Variants in VPS13D observed in about 807,000 individuals in gnomAD.
The protein encoded by VPS13D is vacuolar protein sorting 13 homolog D, also known as intermembrane lipid transfer protein VPS13D.
Under a neutral mutation model 461.9 loss-of-function variants are expected in VPS13D, and 187 were observed. The observed-to-expected ratio is 0.40, with a 90% CI of 0.36 to 0.46. The LOEUF (loss-of-function observed/expected upper bound fraction) is 0.46, where lower values mean the gene tolerates loss of function less well. VPS13D is among the 20% of genes least tolerant of loss of function. The pLI is 0.60. For missense variants in VPS13D, 4,711 were observed against 5,364.9 expected (o/e 0.88, Z 3.81); for synonymous variants, 1,951 against 1,986.3 (o/e 0.98, Z 0.47).
Position 12,256,451 on chromosome 1 carries a change from C to T in VPS13D, c.788C>T (p.Pro263Leu). ...AAGCCCCTGCGGTCTCGGCACAGTC[C>T]CCGTATTGATTGTGATATTCAGCTG... ...SKKPLRSRHS[P>L]RIDCDIQLET... The change falls in exon 8 of 70, where the codon CCC (proline) becomes CTC (leucine). Residue 263 changes from proline to leucine, a missense_variant. Physicochemically the swap from Pro to Leu is moderately conservative, Grantham distance 98. Coordinates refer to ENST00000620676, the MANE Select transcript of VPS13D (RefSeq NM_015378.4). 6.2e-7 allele frequency: 1 copy of T among 1,614,066 alleles called. No homozygotes were observed. The highest frequency in any genetic ancestry group is 8.5e-7 in the Non-Finnish European group (1 of 1,180,000).
chr1:12,503,479 C>T (rs941668457), intron 68 of VPS13D, among the ~76,000 whole-genome samples: 3 of 152,236 alleles, frequency 2.0e-5, no homozygotes, highest in African/African-American at 4.8e-5. Flanking sequence ...CCACCATGCT[C>T]TGCCCTAAGA....
At chr1:12,335,876 A>G (rs1198896411) in intron 39 of VPS13D, 49 bp downstream of exon 39, 1 of 1,610,436 alleles carries the variant, frequency 6.2e-7, no homozygotes, top group East Asian at 2.2e-5. Flanking sequence ...TTGACCTACA[A>G]AGCAATGCTT....
chr1:12,379,772 T>C (rs1644247710), intron 57 of VPS13D, among the ~76,000 whole-genome samples, 176 bp downstream of exon 57: 1 of 139,168 alleles, frequency 7.2e-6, no homozygotes, highest in Admixed American at 7.1e-5. Context: ...CATTTGTGTA[T>C]TTTTTTTTTT....
chr1:12,390,831 C>A (rs1644414856), intron 60 of VPS13D, among the ~76,000 whole-genome samples: 1 of 152,204 alleles, frequency 6.6e-6, no homozygotes, highest in African/African-American at 2.4e-5. Flanking sequence ...TCCCTGCCAC[C>A]ATGGCCACTT....
intron 30 of VPS13D, 143 bp downstream of exon 30, chr1:12,314,470 T>TTA (rs1206094674): frequency 3.1e-5 from 23 of 738,360 alleles, no homozygotes; most frequent in Non-Finnish European, 4.8e-5. Flanking sequence ...CAGTGTACTG[T>TTA]ATATTAATGC....
chr1:12,475,809 C>T (rs1293879941), intron 67 of VPS13D, among the ~76,000 whole-genome samples: 1 of 152,122 alleles, frequency 6.6e-6, no homozygotes, highest in Non-Finnish European at 1.5e-5. Flanking sequence ...TGTAAATAAA[C>T]CACTTCCCGC....
Position 12,507,763 on chromosome 1 carries a change from G to C in VPS13D, c.13035+670G>C, listed in dbSNP as rs922647062. The stretch of plus-strand genomic sequence containing the variant: ...AAGGCTACACAGCTGACCTTGAGGA[G>C]CCGGGGTTCAAATCCGAGTGGCTTG... On this transcript the variant is annotated intron_variant, in intron 69 of 69. Coordinates refer to ENST00000620676, the MANE Select transcript of VPS13D (RefSeq NM_015378.4). This position sits in a 1 kb window ranked among gnomAD's most constrained non-coding sequence, Gnocchi z 5.3. Among the ~76,000 whole-genome samples the C allele has an allele frequency of 6.6e-6, 1 of 152,238 alleles. No homozygotes were observed. Among genetic ancestry groups the C allele is most frequent in the African/African-American group, 2.4e-5 (1 of 41,456 alleles).
intron 63 of VPS13D, among the ~76,000 whole-genome samples, chr1:12,405,008 A>T (rs1314331070): frequency 6.6e-6 from 1 of 152,228 alleles, no homozygotes; most frequent in Non-Finnish European, 1.5e-5. Flanking sequence ...GCTACAAGAT[A>T]GTCATCTTGC....
chr1:12,277,195 G>A lies in VPS13D; in HGVS notation c.3607G>A (p.Val1203Ile). Reference sequence around the variant, plus strand: ...AACTGCAAGTATAGGTGGCACCAAAGTTAATGTCTCAATGGGTAGCACGTT... The same window carrying A: ...AACTGCAAGTATAGGTGGCACCAAAATTAATGTCTCAATGGGTAGCACGTT... ...IATASIGGTK[V>I]NVSMGSTFDM... The change falls in exon 19 of 70, where the codon GTT (valine) becomes ATT (isoleucine). Residue 1203 changes from valine (V) to isoleucine (I), a missense_variant. Physicochemically the swap from Val to Ile is conservative, Grantham distance 29 (BLOSUM62 3). Transcript: ENST00000620676. 1.9e-6 allele frequency: 3 copies of A among 1,614,204 alleles called. No individual in the cohort carries two copies. The highest frequency in any genetic ancestry group is 1.3e-5 in the African/African-American group (1 of 75,058).
At chr1:12,286,097 C>A (rs1405757319) in intron 21 of VPS13D, among the ~76,000 whole-genome samples, 2 of 146,644 alleles carry the variant, frequency 1.4e-5, no homozygotes, top group Non-Finnish European at 3.0e-5. Flanking sequence ...TCCTTCTTTT[C>A]GAAGGAGTCT....
chr1:12,428,600 T>A (rs1164252442), intron 65 of VPS13D, among the ~76,000 whole-genome samples: 1 of 152,116 alleles, frequency 6.6e-6, no homozygotes, highest in East Asian at 1.9e-4. Context: ...GGGGTGCCCT[T>A]CTCTGTTTCT....
intron 2 of VPS13D, among the ~76,000 whole-genome samples, chr1:12,239,949 T>C (rs1640290586): frequency 6.6e-6 from 1 of 152,110 alleles, no homozygotes; most frequent in African/African-American, 2.4e-5. Flanking sequence ...TATAAAGCAC[T>C]CAGTACTTTG....
intron 65 of VPS13D, among the ~76,000 whole-genome samples, chr1:12,449,396 T>C (rs2100373351): frequency 6.9e-6 from 1 of 145,800 alleles, no homozygotes; most frequent in African/African-American, 2.5e-5. Context: ...TTCCGTGCCT[T>C]TTTTTTTTTT....
At chr1:12,309,723 C>T (rs1642678956) in intron 27 of VPS13D, among the ~76,000 whole-genome samples, 1 of 147,120 alleles carries the variant, frequency 6.8e-6, no homozygotes, top group Admixed American at 6.8e-5. Flanking sequence ...GATTGAGCCG[C>T]TGCACTTCAG....
rs1642067474 is a variant in VPS13D at position 12,289,595 on chromosome 1, C to T, written c.5725+1282C>T. Among the ~76,000 whole-genome samples the T allele has an allele frequency of 4.7e-5, 7 of 147,680 alleles. No homozygotes were observed. In the South Asian group the frequency reaches 1.5e-3, roughly 31 times the overall value. On this transcript the variant is annotated intron_variant, in intron 22 of 69. Transcript: ENST00000620676. Reference sequence around the variant, plus strand: ...TTTTTTTTCCTTCTTACAGCGTATTCCTGTTAATGGCCTTTAAGATTGGTA... The same window carrying T: ...TTTTTTTTCCTTCTTACAGCGTATTTCTGTTAATGGCCTTTAAGATTGGTA...
chr1:12,335,705 A>C lies in VPS13D; in HGVS notation c.8429A>C (p.Asp2810Ala), dbSNP rs1376111902. 6.2e-7 allele frequency: 1 copy of C among 1,611,204 alleles called. No individual in the cohort carries two copies. The highest frequency in any genetic ancestry group is 1.3e-5 in the African/African-American group (1 of 74,766). The stretch of plus-strand genomic sequence containing the variant: ...AATATCTCTGGGGGATTCTTTCTAG[A>C]CCAGTATGTAAGTACCAAGGAATCG... ...LDINITSVLIDQYVSTKESWM... is the reference protein window; with the variant it reads ...LDINITSVLIAQYVSTKESWM... The change falls in exon 39 of 70, where the codon GAC becomes GCC. Residue 2810 changes from aspartate (D) to alanine (A), a missense_variant and splice_region_variant. This residue lies in a region of VPS13D where 4,411 missense variants were observed against 4,937.8 expected (regional missense o/e 0.89). Coordinates refer to ENST00000620676, the MANE Select transcript of VPS13D (RefSeq NM_015378.4).
chr1:12,450,698 A>G (rs1218526065), intron 65 of VPS13D, among the ~76,000 whole-genome samples: 1 of 152,210 alleles, frequency 6.6e-6, no homozygotes, highest in African/African-American at 2.4e-5. Flanking sequence ...AGCTAATGTA[A>G]GTGTTCCGGG....
At chr1:12,244,196 G>T in intron 3 of VPS13D, 50 bp from the exon 4 acceptor site, 1 of 1,535,742 alleles carries the variant, frequency 6.5e-7, no homozygotes. Context: ...AAAATGGAAA[G>T]AATTAAAAAT....
At chr1:12,255,085 A>G (rs1281678721) in intron 7 of VPS13D, among the ~76,000 whole-genome samples, 1 of 151,942 alleles carries the variant, frequency 6.6e-6, no homozygotes, top group Non-Finnish European at 1.5e-5. Flanking sequence ...AGCTGGGATT[A>G]CAGGTGCATG....
Sources: allele counts gnomAD v4.1 joint callset (sites outside exome capture counted in the v4.1 genomes callset), GRCh38; gene constraint gnomAD v4.1.1; regional missense constraint gnomAD v4.1.1; non-coding constraint Gnocchi (gnomAD v3.1); transcripts MANE v1.5; gene names NCBI Gene and HGNC (gene_info 2026-07-23, HGNC 2026-07-21).